UNC13C: variants seen among roughly 807,000 people sequenced by gnomAD.
UNC13C encodes the protein unc-13 homolog C.
Under a neutral mutation model 245.4 loss-of-function variants are expected in UNC13C, and 174 were observed. That is an observed-to-expected ratio of 0.71 (90% CI 0.63 to 0.80). The LOEUF is 0.80. UNC13C is among the 30% of genes least tolerant of loss of function. The pLI is 0.00. For missense variants in UNC13C, 2,829 were observed against 2,602.9 expected, an observed-to-expected ratio of 1.09 and a Z score of -1.89; for synonymous variants, 992 against 895.1, an observed-to-expected ratio of 1.11 and a Z score of -1.93.
chr15:54,535,778 G>C (rs1049213985), intron 26 of UNC13C, among the ~76,000 whole-genome samples: 4 of 152,084 alleles, frequency 2.6e-5, no homozygotes, highest in African/African-American at 4.8e-5. Flanking sequence ...CAGAAATCAA[G>C]TAATCCTTTG....
chr15:54,584,761 C>G (rs1898400131), intron 30 of UNC13C, among the ~76,000 whole-genome samples: 1 of 152,192 alleles, frequency 6.6e-6, no homozygotes, highest in South Asian at 2.1e-4. Flanking sequence ...TCATCTGGTC[C>G]TCTCAGTGAC....
chr15:53,962,503 C>T, the UNC13C span, among the ~76,000 whole-genome samples: 2 of 151,760 alleles, frequency 1.3e-5, no homozygotes, highest in South Asian at 2.1e-4. Context: ...ATTCCAGTTC[C>T]ACCCCTGTTC....
At chr15:54,213,161 A>G (rs2034938382) in intron 4 of UNC13C, among the ~76,000 whole-genome samples, 1 of 152,062 alleles carries the variant, frequency 6.6e-6, no homozygotes, top group Non-Finnish European at 1.5e-5. Context: ...GAAGTGTTTT[A>G]AAAGATGAAT....
intron 18 of UNC13C, among the ~76,000 whole-genome samples, chr15:54,394,870 G>T (rs1485541643): frequency 2.0e-5 from 3 of 151,828 alleles, no homozygotes; most frequent in African/African-American, 7.2e-5. Flanking sequence ...TTGACTTTAT[G>T]TAACTGTAGT....
chr15:54,143,748 C>T, intron 4 of UNC13C, 64 bp downstream of exon 4: 1 of 1,281,888 alleles, frequency 7.8e-7, no homozygotes, highest in Non-Finnish European at 1.1e-6. Flanking sequence ...GTGTTCTCAA[C>T]ATATATGCTT....
At chr15:54,395,260 G>A (rs1393775285) in intron 18 of UNC13C, among the ~76,000 whole-genome samples, 1 of 151,804 alleles carries the variant, frequency 6.6e-6, no homozygotes, top group Non-Finnish European at 1.5e-5. Context: ...TGTTGCATTT[G>A]TATAATGTGG....
Position 53,978,547 on chromosome 15 carries a change from C to G in UNC13C, c.-637C>G, listed in dbSNP as rs575230258. On this transcript the variant is annotated 5_prime_UTR_variant, in exon 1 of 33. Coordinates refer to ENST00000260323, the MANE Select transcript of UNC13C (RefSeq NM_001080534.3). ...ATGAGCCTGGGCGCTCCTCAACACA[C>G]GGGAGAGATCCCATTTTGCTTTCTG... 6.6e-6 allele frequency among the ~76,000 whole-genome samples: 1 copy of G among 152,302 alleles called. No homozygotes were observed. The highest frequency in any genetic ancestry group is 2.1e-4 in the South Asian group (1 of 4,820).
intron 2 of UNC13C, among the ~76,000 whole-genome samples, chr15:54,061,024 G>C (rs1048484235): frequency 6.6e-6 from 1 of 151,966 alleles, no homozygotes; most frequent in African/African-American, 2.4e-5. Flanking sequence ...GCTAAATGAC[G>C]AGTTAATGGG....
chr15:53,950,958 C>G, the UNC13C span, among the ~76,000 whole-genome samples: 8 of 152,090 alleles, frequency 5.3e-5, no homozygotes, highest in African/African-American at 7.2e-5. Flanking sequence ...ATATAGCAAT[C>G]TAGTGAAAAC....
At chr15:54,492,174 T>C (rs1259946800) in intron 19 of UNC13C, among the ~76,000 whole-genome samples, 1 of 152,138 alleles carries the variant, frequency 6.6e-6, no homozygotes, top group African/African-American at 2.4e-5. Flanking sequence ...CACATTTGAG[T>C]CTATAGTTTA....
At chr15:53,927,298 T>C in the UNC13C span, among the ~76,000 whole-genome samples, 1 of 152,130 alleles carries the variant, frequency 6.6e-6, no homozygotes, top group Non-Finnish European at 1.5e-5. Flanking sequence ...GGAGATCACT[T>C]TGTTTGCTAT....
intron 2 of UNC13C, among the ~76,000 whole-genome samples, chr15:54,092,389 A>T (rs1170407841): frequency 6.6e-6 from 1 of 152,174 alleles, no homozygotes; most frequent in Non-Finnish European, 1.5e-5. Context: ...AAAAATCATA[A>T]CCATGATAGT....
At chr15:54,147,716 G>GTT in intron 4 of UNC13C, among the ~76,000 whole-genome samples, 1 of 149,810 alleles carries the variant, frequency 6.7e-6, no homozygotes, top group African/African-American at 2.5e-5. Context: ...GTGTGTGTGT[G>GTT]TGTGTGTATT....
At chr15:54,587,268 A>ATACT (rs111533839) in intron 30 of UNC13C, among the ~76,000 whole-genome samples, 18,550 of 151,930 alleles carry the variant, frequency 0.12, 2,001 homozygotes, top group African/African-American at 0.28. Flanking sequence ...TTTTACACAA[A>ATACT]TACGAGGTGA....
rs987930970 is a variant in UNC13C at position 54,628,506 on chromosome 15, C to CTGTT, written c.*1394_*1397dup. ...GTGAGGTGAGCTAATTCATGTTAAACTGTTAGGCCACTGCTTTGTTAATGA... is the reference window on the plus strand; with the variant it reads ...GTGAGGTGAGCTAATTCATGTTAAACTGTTTGTTAGGCCACTGCTTTGTTAATGA... On this transcript the variant is annotated 3_prime_UTR_variant, in exon 33 of 33. Coordinates refer to ENST00000260323, the MANE Select transcript of UNC13C (RefSeq NM_001080534.3). 6.6e-6 allele frequency: 1 copy of CTGTT among 152,580 alleles called. No homozygotes were observed. Among genetic ancestry groups the CTGTT allele is most frequent in the Non-Finnish European group, 1.5e-5 (1 of 68,024 alleles). The allele number at this position is 152,580 out of a possible 1,614,324, so 9.5% of individuals were successfully genotyped here. A position where few individuals can be genotyped will look rare whatever the true frequency, so the allele number is the denominator to read the frequency against.
intron 13 of UNC13C, among the ~76,000 whole-genome samples, chr15:54,319,970 C>T (rs956748407): frequency 6.6e-6 from 1 of 151,948 alleles, no homozygotes; most frequent in African/African-American, 2.4e-5. Context: ...AAGAAATGAT[C>T]TTTAAGCATA....
At chr15:54,486,300 G>T (rs1893405330) in intron 19 of UNC13C, among the ~76,000 whole-genome samples, 1 of 127,874 alleles carries the variant, frequency 7.8e-6, no homozygotes, top group Non-Finnish European at 1.8e-5. Flanking sequence ...ATATCAGTGT[G>T]GTGGCGGGCG....
Position 54,143,696 on chromosome 15 carries a change from C to T in UNC13C, c.3071+12C>T. 1 of 1,608,772 alleles carries T rather than the reference C, an allele frequency of 6.2e-7. No individual in the cohort carries two copies. The highest frequency in any genetic ancestry group is 8.5e-7 in the Non-Finnish European group (1 of 1,175,700). ...CAGGTGTGTGGTGGGTAAGTACCTT[C>T]ATACCTTTCTAATTTATTCCATTCA... On this transcript the variant is annotated intron_variant, in intron 4 of 32. Coordinates refer to ENST00000260323, the MANE Select transcript of UNC13C (RefSeq NM_001080534.3).
intron 17 of UNC13C, among the ~76,000 whole-genome samples, chr15:54,371,932 G>A (rs2039495552): frequency 6.6e-6 from 1 of 152,180 alleles, no homozygotes; most frequent in Non-Finnish European, 1.5e-5. Context: ...ATGGTAGCCA[G>A]AGGCTGAGGG....
Sources: gnomAD v4.1 joint callset for allele counts (sites outside exome capture counted in the v4.1 genomes callset) on GRCh38, gnomAD v4.1.1 for gene constraint, MANE v1.5 for transcripts, NCBI Gene and HGNC (gene_info 2026-07-23, HGNC 2026-07-21) for gene names.